Variants in STAU2 observed in about 807,000 individuals in gnomAD.
STAU2 encodes the protein staufen double-stranded RNA binding protein 2.
STAU2 carries 20 observed loss-of-function variants against 65.9 expected under a neutral mutation model. That is an observed-to-expected ratio of 0.30 (90% CI 0.21 to 0.44). The LOEUF (loss-of-function observed/expected upper bound fraction) is 0.44. STAU2 is among the 20% of genes least tolerant of loss of function. STAU2 has a pLI of 1.00. For synonymous variants in STAU2, 232 were observed against 233.9 expected, an observed-to-expected ratio of 0.99 and a Z score of 0.07; for missense variants, 558 against 683.9, an observed-to-expected ratio of 0.82 and a Z score of 2.05.
At position 73,739,745 on chromosome 8, in the gene STAU2, C is replaced by G. The variant is rs1318832960; in HGVS notation, c.-84+11G>C. The G allele has an allele frequency of 2.0e-6, 3 of 1,500,438 alleles. No homozygotes were observed. The African/African-American group carries it at 4.2e-5, about 21-fold the overall frequency. The allele number at this position is 1,500,438 out of a possible 1,614,324, so 92.9% of individuals were successfully genotyped here. A position where few individuals can be genotyped will look rare whatever the true frequency, so the allele number is the denominator to read the frequency against. On this transcript the variant is annotated intron_variant, in intron 2 of 14. Transcript: ENST00000524300. ...GTGAATTTGAGTTTTAGTCAAAGTT[C>G]TTCAGATTACCTTCTGAGCCTTGGT...
intron 3 of STAU2, among the ~76,000 whole-genome samples, chr8:73,710,366 G>C (rs1820805283): frequency 6.9e-6 from 1 of 145,688 alleles, no homozygotes; most frequent in Non-Finnish European, 1.5e-5. Context: ...CTGAATTACA[G>C]GCTTCTATCC....
chr8:73,746,685 C>T, intron 1 of STAU2, 98 bp downstream of exon 1: 1 of 725,476 alleles, frequency 1.4e-6, no homozygotes, highest in Non-Finnish European at 1.9e-6. Flanking sequence ...CCGGGTTCCC[C>T]GTGCTGCGGA....
At chr8:73,639,306 T>C (rs1247083063) in intron 6 of STAU2, among the ~76,000 whole-genome samples, 3 of 152,124 alleles carry the variant, frequency 2.0e-5, no homozygotes, top group Admixed American at 2.0e-4. Context: ...AATTTGTGAA[T>C]ACCCAGAAAT....
At chr8:73,685,303 G>A (rs1057086204) in intron 5 of STAU2, among the ~76,000 whole-genome samples, 7 of 151,878 alleles carry the variant, frequency 4.6e-5, no homozygotes, top group African/African-American at 1.4e-4. Context: ...CCTTACTCCT[G>A]CAAGAATGGC....
At chr8:73,681,814 G>C (rs1211053915) in intron 5 of STAU2, among the ~76,000 whole-genome samples, 1 of 152,118 alleles carries the variant, frequency 6.6e-6, no homozygotes, top group Non-Finnish European at 1.5e-5. Flanking sequence ...CCAAAAGCCA[G>C]CAGGAGTAGC....
intron 13 of STAU2, among the ~76,000 whole-genome samples, chr8:73,432,799 C>T (rs983264504): frequency 9.9e-5 from 15 of 152,076 alleles, no homozygotes; most frequent in Admixed American, 1.3e-4. Flanking sequence ...CTTTCTAAAA[C>T]GGCTTACCCT....
intron 1 of STAU2, among the ~76,000 whole-genome samples, chr8:73,745,102 T>C (rs1257127585): frequency 6.6e-6 from 1 of 152,236 alleles, no homozygotes; most frequent in East Asian, 1.9e-4. Context: ...GCCTACCATA[T>C]AATAAAATAT....
intron 13 of STAU2, among the ~76,000 whole-genome samples, chr8:73,530,568 C>A (rs998659437): frequency 9.2e-5 from 14 of 152,144 alleles, no homozygotes; most frequent in Non-Finnish European, 1.6e-4. Flanking sequence ...ACATATCACT[C>A]CCTGGTGGGA....
At chr8:73,664,201 G>A (rs1290574131) in intron 6 of STAU2, among the ~76,000 whole-genome samples, 2 of 151,948 alleles carry the variant, frequency 1.3e-5, no homozygotes, top group African/African-American at 2.4e-5. Context: ...AGAGGCACAC[G>A]CCAACAGAGA....
chr8:73,566,594 T>C (rs1430966956), intron 12 of STAU2, among the ~76,000 whole-genome samples: 1 of 152,190 alleles, frequency 6.6e-6, no homozygotes, highest in African/African-American at 2.4e-5. Flanking sequence ...GCAAATGATA[T>C]ATCTAGAAAT....
chr8:73,634,485 G>A lies in STAU2; in HGVS notation c.411-17034C>T, dbSNP rs576350172. ...AGAAGACATAGTAAGCTGAGATTGC[G>A]CCACTGCACTCCAGCCTGGCAACAG... On this transcript the variant is annotated intron_variant, in intron 6 of 14. Transcript: ENST00000524300. Among the ~76,000 whole-genome samples the A allele has an allele frequency of 1.2e-3, 177 of 152,026 alleles. 1 individual carries two copies. Among genetic ancestry groups the A allele is most frequent in the Middle Eastern group, 6.8e-3 (2 of 294 alleles).
chr8:73,492,101 A>G (rs1299111287), intron 13 of STAU2, among the ~76,000 whole-genome samples: 1 of 151,856 alleles, frequency 6.6e-6, no homozygotes, highest in African/African-American at 2.4e-5. Context: ...GCCCAGTACC[A>G]AGATGTGTTT....
chr8:73,478,127 G>GAC (rs975763641), intron 13 of STAU2, among the ~76,000 whole-genome samples: 7 of 151,052 alleles, frequency 4.6e-5, no homozygotes, highest in African/African-American at 1.5e-4. Flanking sequence ...TTTTTATAAA[G>GAC]ATCTTTTAAA....
chr8:73,540,005 T>A (rs967925895), intron 13 of STAU2, among the ~76,000 whole-genome samples: 1 of 151,498 alleles, frequency 6.6e-6, no homozygotes, highest in African/African-American at 2.4e-5. Context: ...GGGAAAAAAA[T>A]GGCCGAAAAT....
intron 6 of STAU2, among the ~76,000 whole-genome samples, chr8:73,636,834 G>A (rs1814554408): frequency 6.6e-6 from 1 of 150,388 alleles, no homozygotes; most frequent in African/African-American, 2.4e-5. Context: ...CCGCACTCCA[G>A]CCTGGGTGAC....
intron 5 of STAU2, among the ~76,000 whole-genome samples, chr8:73,675,025 C>G (rs1444657582): frequency 1.3e-5 from 2 of 151,494 alleles, no homozygotes; most frequent in African/African-American, 4.9e-5. Context: ...GAACATATTC[C>G]AAGACAGACC....
At chr8:73,654,409 T>C (rs1232660352) in intron 6 of STAU2, among the ~76,000 whole-genome samples, 2 of 151,804 alleles carry the variant, frequency 1.3e-5, no homozygotes, top group Non-Finnish European at 2.9e-5. Context: ...CCCAACACTT[T>C]GGGAGGCCAA....
chr8:73,674,736 A>G (rs1237138358), intron 5 of STAU2, among the ~76,000 whole-genome samples: 1 of 150,674 alleles, frequency 6.6e-6, no homozygotes, highest in Non-Finnish European at 1.5e-5. Flanking sequence ...AAAATAGACT[A>G]AAGAATTAAT....
At chr8:73,441,342 C>A (rs1207298399) in intron 13 of STAU2, 3 of 152,052 alleles carry the variant, frequency 2.0e-5, no homozygotes, top group Non-Finnish European at 2.9e-5. Context: ...GAGTTTGAGA[C>A]CAGCCTGGTC....
Sources: gnomAD v4.1 joint callset for allele counts (sites outside exome capture counted in the v4.1 genomes callset) on GRCh38, gnomAD v4.1.1 for gene constraint, MANE v1.5 for transcripts, NCBI Gene and HGNC (gene_info 2026-07-23, HGNC 2026-07-21) for gene names.